The following HOOK1 variants were observed in gnomAD, a reference collection of about 807,000 sequenced individuals.
HOOK1 encodes protein Hook homolog 1.
HOOK1 carries 60 observed loss-of-function variants against 112.8 expected under a neutral mutation model. The ratio of observed to expected loss-of-function variants is 0.53; its 90% confidence interval spans 0.43 to 0.66. The LOEUF (loss-of-function observed/expected upper bound fraction) is 0.66, where lower values mean the gene tolerates loss of function less well. Among genes scored for constraint, HOOK1 ranks in the 30% least tolerant of loss-of-function variants. The pLI is 0.00. For synonymous variants in HOOK1, 294 were observed against 283.8 expected (o/e 1.04, Z -0.36); for missense variants, 770 against 856.0 (o/e 0.90, Z 1.25).
intron 2 of HOOK1, among the ~76,000 whole-genome samples, chr1:59,826,108 G>C (rs2098389734): frequency 6.6e-6 from 1 of 152,174 alleles, no homozygotes; most frequent in Non-Finnish European, 1.5e-5. Context: ...CCTGAATTCA[G>C]TTGGTAAAAC....
chr1:59,820,801 G>A (rs1182723991), intron 1 of HOOK1, among the ~76,000 whole-genome samples: 2 of 152,108 alleles, frequency 1.3e-5, no homozygotes, highest in Non-Finnish European at 2.9e-5. Flanking sequence ...GAAACCTGGT[G>A]GTTTTCCTTT....
At chr1:59,854,021 TATATATATATATA>T (rs2098408800) in intron 12 of HOOK1, among the ~76,000 whole-genome samples, 2 of 25,532 alleles carry the variant, frequency 7.8e-5, no homozygotes, top group African/African-American at 3.2e-4. Flanking sequence ...TATATATATA[TATATATATATATA>T]TATATTTTTT....
chr1:59,866,444 A>G (rs1643967296), intron 19 of HOOK1, among the ~76,000 whole-genome samples: 1 of 152,180 alleles, frequency 6.6e-6, no homozygotes, highest in African/African-American at 2.4e-5. Context: ...TGTTCATCAC[A>G]CTCAAGGTTT....
rs763131648 is a variant in HOOK1 at position 59,858,961 on chromosome 1, A to G, written c.1331-24A>G. The stretch of plus-strand genomic sequence containing the variant: ...AAAATAGTTGAAATACTGAAATGCT[A>G]ATTTATTTTTTGTTATTTTTTAGAT... On this transcript the variant is annotated intron_variant, in intron 13 of 21. Transcript: ENST00000371208. 5 of 1,397,802 alleles carry G rather than the reference A, an allele frequency of 3.6e-6. No individual in the cohort carries two copies. The East Asian group carries it at 1.2e-4, about 33-fold the overall frequency. The allele number at this position is 1,397,802 out of a possible 1,614,324, so 86.6% of individuals were successfully genotyped here.
intron 7 of HOOK1, 70 bp downstream of exon 7, chr1:59,837,005 A>C: frequency 2.1e-6 from 2 of 937,780 alleles, no homozygotes; most frequent in Non-Finnish European, 3.4e-6. Context: ...TACTCTCATA[A>C]GGCTTACAAA....
chr1:59,860,203 A>T lies in HOOK1; in HGVS notation c.1407A>T (p.Arg469=), dbSNP rs2098412830. 2 of 1,602,950 alleles carry T rather than the reference A, an allele frequency of 1.2e-6. No individual in the cohort carries two copies. Among genetic ancestry groups the T allele is most frequent in the Admixed American group, 1.7e-5 (1 of 57,902 alleles). The part of the protein sequence containing the change: ...MPVEYREVFI[R]LQHENKMLRL... ...GTAACATCAGGGAGGTGTTTATTCGACTGCAACATGAAAATAAGATGCTTC... is the reference window on the plus strand; with the variant it reads ...GTAACATCAGGGAGGTGTTTATTCGTCTGCAACATGAAAATAAGATGCTTC... The change falls in exon 15 of 22, where the codon CGA becomes CGT. Residue 469 remains arginine (R), a synonymous_variant. Transcript: ENST00000371208.
At chr1:59,869,353 A>T (rs562256839) in intron 20 of HOOK1, among the ~76,000 whole-genome samples, 1 of 151,986 alleles carries the variant, frequency 6.6e-6, no homozygotes, top group East Asian at 1.9e-4. Flanking sequence ...CACCACGCCC[A>T]ACTAATTTTT....
intron 1 of HOOK1, among the ~76,000 whole-genome samples, 174 bp from the exon 2 acceptor site, chr1:59,821,684 A>T (rs2098385753): frequency 6.6e-6 from 1 of 152,080 alleles, no homozygotes; most frequent in African/African-American, 2.4e-5. Context: ...TTACACAGCC[A>T]TAGAGACATA....
At position 59,875,650 on chromosome 1, in the gene HOOK1, C is replaced by T. The variant is rs1438675017; in HGVS notation, c.*2685C>T. ...TGTCCTAGTGATTATAAAGTAAAAC[C>T]ACAGACCAATTTGCAAATGATCTTC... On this transcript the variant is annotated 3_prime_UTR_variant, in exon 22 of 22. Coordinates refer to ENST00000371208, the MANE Select transcript of HOOK1 (RefSeq NM_015888.6). The T allele has an allele frequency of 6.6e-6, 1 of 152,152 alleles. No individual in the cohort carries two copies. Among genetic ancestry groups the T allele is most frequent in the African/African-American group, 2.4e-5 (1 of 41,448 alleles). The allele number at this position is 152,152 out of a possible 1,614,324, so 9.4% of individuals were successfully genotyped here. A position where few individuals can be genotyped will look rare whatever the true frequency, so the allele number is the denominator to read the frequency against.
chr1:59,815,093 G>C lies in HOOK1; in HGVS notation c.-25G>C. 1 of 1,538,134 alleles carries C rather than the reference G, an allele frequency of 6.5e-7. No individual in the cohort carries two copies. The highest frequency in any genetic ancestry group is 8.7e-7 in the Non-Finnish European group (1 of 1,145,986). On this transcript the variant is annotated 5_prime_UTR_variant, in exon 1 of 22. Transcript: ENST00000371208. ...TAGGAGGGAGTGTGAAGGTGTCCGC[G>C]GCGTCGTCGACGGCGGCGCCGGCCA...
chr1:59,866,361 G>C (rs1167251288), intron 19 of HOOK1, among the ~76,000 whole-genome samples: 1 of 152,150 alleles, frequency 6.6e-6, no homozygotes, highest in African/African-American at 2.4e-5. Flanking sequence ...TTTTGTAAAA[G>C]TTTAGCTTTT....
In HOOK1 at chr1:59,821,884, T is replaced by C; in HGVS notation, c.90T>C (p.Pro30=). The change falls in exon 2 of 22, where the codon CCT becomes CCC. Residue 30 remains proline (P), a synonymous_variant. Coordinates refer to ENST00000371208, the MANE Select transcript of HOOK1 (RefSeq NM_015888.6). ...IWLQTFNTAS[P]CQDVKQLTSG... ...TGCAGACATTCAATACTGCCTCACC[T>C]TGTCAAGATGTCAAACAGCTGACTA... is the stretch of plus-strand genomic sequence containing the variant. 1 of 1,605,604 alleles carries C rather than the reference T, an allele frequency of 6.2e-7. No homozygotes were observed. The highest frequency in any genetic ancestry group is 8.5e-7 in the Non-Finnish European group (1 of 1,176,944).
At chr1:59,835,553 T>C in intron 6 of HOOK1, 141 bp downstream of exon 6, 2 of 565,658 alleles carry the variant, frequency 3.5e-6, no homozygotes, top group South Asian at 2.6e-5. Context: ...CTTCCTTTTT[T>C]ACCCCCAAAA....
rs2098414061 is a variant in HOOK1 at position 59,862,317 on chromosome 1, C to CT, written c.1533-466dup. On this transcript the variant is annotated intron_variant, in intron 15 of 21. Transcript: ENST00000371208. ...GAATGAGATTTTGCCACATTAGAAT[C>CT]TGAGTTAGTTGCTAGTGGCACTCCC... Among the ~76,000 whole-genome samples, 5 of 152,202 alleles carry CT rather than the reference C, an allele frequency of 3.3e-5. No individual in the cohort carries two copies. The South Asian group carries it at 1.0e-3, about 32-fold the overall frequency.
chr1:59,840,866 T>C (rs1334356731), intron 8 of HOOK1, among the ~76,000 whole-genome samples: 3 of 152,142 alleles, frequency 2.0e-5, no homozygotes, highest in Non-Finnish European at 4.4e-5. Context: ...TATAATCTTG[T>C]ATTCATATGC....
At chr1:59,868,106 G>T in intron 19 of HOOK1, 144 bp from the exon 20 acceptor site, 1 of 569,226 alleles carries the variant, frequency 1.8e-6, no homozygotes, top group Non-Finnish European at 3.2e-6. Flanking sequence ...ATCCCAATTA[G>T]GATTGTAAAA....
chr1:59,851,534 T>A (rs1243528193), intron 12 of HOOK1, among the ~76,000 whole-genome samples: 1 of 151,624 alleles, frequency 6.6e-6, no homozygotes, highest in Non-Finnish European at 1.5e-5. Flanking sequence ...CCTTTTTGAA[T>A]TTGTTTACTA....
chr1:59,865,053 A>G (rs1643937139), intron 17 of HOOK1, 110 bp from the exon 18 acceptor site: 4 of 704,690 alleles, frequency 5.7e-6, no homozygotes, highest in Non-Finnish European at 7.7e-6. Context: ...AGTCATGCAG[A>G]TAGTATTCCC....
chr1:59,836,018 C>T (rs2098397401), intron 6 of HOOK1, among the ~76,000 whole-genome samples: 1 of 152,036 alleles, frequency 6.6e-6, no homozygotes, highest in Non-Finnish European at 1.5e-5. Flanking sequence ...CAGTCTCTGA[C>T]CAGAACAGTC....
Sources: gnomAD v4.1 joint callset for allele counts (sites outside exome capture counted in the v4.1 genomes callset) on GRCh38, gnomAD v4.1.1 for gene constraint, MANE v1.5 for transcripts, NCBI Gene and HGNC (gene_info 2026-07-23, HGNC 2026-07-21) for gene names.